The following HIP1R variants were observed in gnomAD, a reference collection of about 807,000 sequenced individuals.
HIP1R encodes huntingtin interacting protein 1 related, also known as huntingtin-interacting protein 1-related protein.
A neutral mutation model predicts 144.2 loss-of-function variants in HIP1R; 135 were observed. That is an observed-to-expected ratio of 0.94 (90% confidence interval 0.81 to 1.08). The LOEUF is 1.08. HIP1R is among the 50% of genes least tolerant of loss of function. The pLI is 0.00. For synonymous variants in HIP1R, 698 were observed against 612.8 expected (o/e 1.14, Z -2.05); for missense variants, 1,462 against 1,432.8 (o/e 1.02, Z -0.33).
intron 6 of HIP1R, 84 bp from the exon 7 acceptor site, chr12:122,851,152 C>G: frequency 1.6e-6 from 2 of 1,256,006 alleles, no homozygotes; most frequent in Non-Finnish European, 2.2e-6. Context: ...GCGGTGCCCC[C>G]GTCCCCACTG....
At position 122,861,338 on chromosome 12, in the gene HIP1R, G is replaced by A. The variant is rs376560982; in HGVS notation, c.2983G>A (p.Glu995Lys). The A allele has an allele frequency of 2.5e-5, 41 of 1,613,702 alleles. No individual in the cohort carries two copies. The highest frequency in any genetic ancestry group is 3.3e-5 in the Admixed American group (2 of 60,008). ...VRVLELEKTL[E>K]AERMRLGELR... The stretch of plus-strand genomic sequence containing the variant: ...TGTCCTGGAGCTGGAGAAGACGCTG[G>A]AGGCTGAACGCATGCGGCTGGGGGA... Residue 995 changes from glutamate to lysine, a missense_variant, in exon 31 of 32, where the codon GAG becomes AAG. Transcript: ENST00000253083.
intron 5 of HIP1R, 45 bp from the exon 6 acceptor site, chr12:122,850,790 G>C (rs1464550970): frequency 2.6e-6 from 4 of 1,526,242 alleles, no homozygotes; most frequent in Non-Finnish European, 3.6e-6. Context: ...CCAGGTGTGG[G>C]GGGGCCCTGG....
rs866272029 is a variant in HIP1R at position 122,835,589 on chromosome 12, C to T, written c.39C>T (p.Ser13=). ...SIKNVPARVL[S]RRPGHSLEAE... is the part of the protein sequence containing the mutation. ...AGAACGTGCCGGCGCGGGTGCTGAG[C>T]CGCAGGCCGGGCCACAGCCTGGAGG... is the stretch of plus-strand genomic sequence containing the variant. Residue 13 remains serine, a synonymous_variant, in exon 1 of 32, where the codon AGC becomes AGT. Coordinates refer to ENST00000253083, the MANE Select transcript of HIP1R (RefSeq NM_003959.3). The T allele has an allele frequency of 7.4e-7, 1 of 1,344,724 alleles. No homozygotes were observed. The highest frequency in any genetic ancestry group is 1.5e-5 in the African/African-American group (1 of 64,924). The allele number at this position is 1,344,724 out of a possible 1,614,324, so 83.3% of individuals were successfully genotyped here. A position where few individuals can be genotyped will look rare whatever the true frequency, so the allele number is the denominator to read the frequency against.
rs752340891 is a variant in HIP1R, at chr12:122,858,235, G to T, written c.1949G>T (p.Cys650Phe). Residue 650 changes from cysteine to phenylalanine, a missense_variant, in exon 19 of 32, where the codon TGT becomes TTT. By Grantham distance (205) the Cys-to-Phe change is radical. Around this residue, in one of 2 missense-constraint regions of HIP1R, gnomAD observed 1,112 missense variants for 1,011.7 expected, o/e 1.10. Transcript: ENST00000253083. ...CTGGACGACCCCCTGCACCTGCGCT[G>T]TACCAGCTCCCCAGGTAGACAGTGG... ...SKLDDPLHLR[C>F]TSSPDYLVSR... 28 of 1,596,022 alleles carry T rather than the reference G, an allele frequency of 1.8e-5. No individual in the cohort carries two copies. The highest frequency in any genetic ancestry group is 2.2e-5 in the Non-Finnish European group (26 of 1,168,538).
At chr12:122,844,696 C>T (rs371983382) in intron 1 of HIP1R, among the ~76,000 whole-genome samples, 6 of 152,202 alleles carry the variant, frequency 3.9e-5, no homozygotes, top group East Asian at 1.9e-4. Flanking sequence ...GACCCCGGGG[C>T]GGTCACATGT....
At chr12:122,839,594 C>G (rs748369499) in intron 1 of HIP1R, among the ~76,000 whole-genome samples, 1 of 152,174 alleles carries the variant, frequency 6.6e-6, no homozygotes, top group Non-Finnish European at 1.5e-5. Context: ...TTCTCAGCCC[C>G]GGCACACAGT....
At chr12:122,861,624 C>T in intron 31 of HIP1R, 82 bp from the exon 32 acceptor site, 5 of 1,583,396 alleles carry the variant, frequency 3.2e-6, no homozygotes, top group South Asian at 1.1e-5. Flanking sequence ...TGACAACATG[C>T]AGGGAGGAGC....
chr12:122,859,850 C>A lies in HIP1R; in HGVS notation c.2465+20C>A. The A allele has an allele frequency of 6.2e-7, 1 of 1,609,334 alleles. No homozygotes were observed. Among genetic ancestry groups the A allele is most frequent in the Non-Finnish European group, 8.5e-7 (1 of 1,177,706 alleles). On this transcript the variant is annotated intron_variant, in intron 24 of 31. Coordinates refer to ENST00000253083, the MANE Select transcript of HIP1R (RefSeq NM_003959.3). ...CGAGAGGTGAGCCCCCCTTCTGTCC[C>A]CCCAGGCCCAGCCGAGGTGGGCTCC... is the stretch of plus-strand genomic sequence containing the variant.
chr12:122,835,406 T>TG (rs1183562825), upstream of HIP1R: 2 of 701,114 alleles, frequency 2.9e-6, no homozygotes, highest in East Asian at 7.4e-5. Context: ...GCCCTGGAGT[T>TG]GGGGGCGGGG....
chr12:122,856,795 T>C (rs1453762419), intron 17 of HIP1R, 69 bp downstream of exon 17: 6 of 1,350,506 alleles, frequency 4.4e-6, no homozygotes, highest in Non-Finnish European at 5.1e-6. Flanking sequence ...AGGTCCTCTT[T>C]CCCGTGAACA....
At chr12:122,847,236 G>A (rs186850727) in intron 1 of HIP1R, among the ~76,000 whole-genome samples, 3 of 152,088 alleles carry the variant, frequency 2.0e-5, no homozygotes, top group East Asian at 3.9e-4. Context: ...TGGTACCGCC[G>A]TGAGCCCTCC....
intron 4 of HIP1R, 76 bp from the exon 5 acceptor site, chr12:122,849,799 T>A: frequency 2.9e-6 from 3 of 1,023,480 alleles, no homozygotes; most frequent in Admixed American, 1.8e-5. Flanking sequence ...GGTGGGTCAC[T>A]CTCGTGCCCA....
intron 14 of HIP1R, 45 bp from the exon 15 acceptor site, chr12:122,856,211 C>T (rs1197089580): frequency 6.2e-7 from 1 of 1,612,910 alleles, no homozygotes; most frequent in Admixed American, 1.7e-5. Context: ...TCCCCAGCCC[C>T]TGCCACCCCA....
chr12:122,857,898 T>G, intron 18 of HIP1R: 1 of 441,312 alleles, frequency 2.3e-6, no homozygotes, highest in Non-Finnish European at 4.0e-6. Context: ...TTTTAGGACC[T>G]TGAGCTCACG....
At chr12:122,835,104 T>TC, upstream of HIP1R, 1 of 919,494 alleles carries the variant, frequency 1.1e-6, no homozygotes, top group African/African-American at 1.9e-5. Flanking sequence ...TCCCCTACCC[T>TC]CCCCTCCGGG....
chr12:122,853,959 G>A, intron 7 of HIP1R, 84 bp from the exon 8 acceptor site: 4 of 1,484,256 alleles, frequency 2.7e-6, no homozygotes, highest in African/African-American at 1.4e-5. Context: ...GCTGGCTTAG[G>A]GCCCTGCTTC....
At position 122,835,514 on chromosome 12, in the gene HIP1R, C is replaced by A; in HGVS notation, c.-37C>A. ...CCGGACCGTGAGGCTGTGAGTCGCG[C>A]GGACGGAGCCGGACAAAAGCGGGCG... On this transcript the variant is annotated 5_prime_UTR_variant, in exon 1 of 32. Coordinates refer to ENST00000253083, the MANE Select transcript of HIP1R (RefSeq NM_003959.3). The A allele has an allele frequency of 7.7e-7, 1 of 1,297,506 alleles. No homozygotes were observed. The highest frequency in any genetic ancestry group is 1.9e-5 in the South Asian group (1 of 51,690). The allele number at this position is 1,297,506 out of a possible 1,614,324, so 80.4% of individuals were successfully genotyped here. A position where few individuals can be genotyped will look rare whatever the true frequency, so the allele number is the denominator to read the frequency against.
In HIP1R at chr12:122,859,107, C is replaced by T. The variant is rs1414215737; in HGVS notation, c.2205C>T (p.Leu735=). The change falls in exon 22 of 32, where the codon CTC becomes CTT. Residue 735 remains leucine, a synonymous_variant. Coordinates refer to ENST00000253083, the MANE Select transcript of HIP1R (RefSeq NM_003959.3). ...AGTGCGGGGCCCGGGCTCTGGAGCT[C>T]ATGGGGCAGCTGCAGGACCAGCAGG... ...CRECGARALE[L]MGQLQDQQAL... 6.2e-7 allele frequency: 1 copy of T among 1,600,158 alleles called. No individual in the cohort carries two copies. The highest frequency in any genetic ancestry group is 1.7e-5 in the Admixed American group (1 of 57,976).
rs765760685 is a variant in HIP1R, at chr12:122,848,617, C to T, written c.300+9C>T. On this transcript the variant is annotated intron_variant, in intron 3 of 31. Transcript: ENST00000253083. ...GAGACGGGCACCCCAATGTGAGTAG[C>T]AGCTGCTGCCTCTGCTCCCCGGAGC... The T allele has an allele frequency of 1.2e-6, 2 of 1,606,340 alleles. No homozygotes were observed. Among genetic ancestry groups the T allele is most frequent in the African/African-American group, 1.3e-5 (1 of 74,872 alleles).
Sources: allele counts gnomAD v4.1 joint callset (sites outside exome capture counted in the v4.1 genomes callset), GRCh38; gene constraint gnomAD v4.1.1; regional missense constraint gnomAD v4.1.1; transcripts MANE v1.5; gene names NCBI Gene and HGNC (gene_info 2026-07-23, HGNC 2026-07-21).